The following HTT variants were observed in gnomAD, a reference collection of about 807,000 sequenced individuals.
HTT encodes the protein huntington disease protein.
HTT carries 104 observed loss-of-function variants against 362.3 expected under a neutral mutation model. The observed-to-expected ratio is 0.29, with a 90% confidence interval of 0.24 to 0.34. HTT has a LOEUF of 0.34. Among genes scored for constraint, HTT ranks in the 10% least tolerant of loss-of-function variants. HTT has a pLI of 1.00. For missense variants in HTT, 3,301 were observed against 3,928.6 expected (o/e 0.84, Z 4.27); for synonymous variants, 1,577 against 1,548.7 (o/e 1.02, Z -0.43).
intron 29 of HTT, among the ~76,000 whole-genome samples, chr4:3,165,267 T>G (rs1037945526): frequency 6.6e-6 from 1 of 152,240 alleles, no homozygotes; most frequent in Non-Finnish European, 1.5e-5. Flanking sequence ...TTCTGGCTTG[T>G]AGGATTTCTG....
chr4:3,115,074 G>C (rs1163625535), intron 6 of HTT, among the ~76,000 whole-genome samples: 1 of 152,250 alleles, frequency 6.6e-6, no homozygotes, highest in South Asian at 2.1e-4. Flanking sequence ...CATGGATGCT[G>C]AGCAGTCCCC....
In HTT at chr4:3,218,633, A is replaced by G. The variant is rs1469929897; in HGVS notation, c.7242+681A>G. The stretch of plus-strand genomic sequence containing the variant: ...GGGCAACAGAGCAAGACTCCGTCTC[A>G]AAAAAAAAAAAGGTAGGTGTTATTG... On this transcript the variant is annotated intron_variant, in intron 52 of 66. Transcript: ENST00000355072. The surrounding 1 kb of genome is among the most constrained non-coding windows in gnomAD (Gnocchi z 4.4). Among the ~76,000 whole-genome samples, 1 of 145,664 alleles carries G rather than the reference A, an allele frequency of 6.9e-6. No individual in the cohort carries two copies.
In HTT at chr4:3,180,513, A is replaced by G; in HGVS notation, c.4613-2A>G. 6.3e-7 allele frequency: 1 copy of G among 1,594,892 alleles called. No homozygotes were observed. The highest frequency in any genetic ancestry group is 8.5e-7 in the Non-Finnish European group (1 of 1,171,248). Reference sequence around the variant, plus strand: ...GATAAGGGTACCCTTTTGTCCCCACAGCCATACCGGCTCTGCAGCCCATAG... The same window carrying G: ...GATAAGGGTACCCTTTTGTCCCCACGGCCATACCGGCTCTGCAGCCCATAG... On this transcript the variant is annotated splice_acceptor_variant, in intron 35 of 66. Transcript: ENST00000355072. LOFTEE classifies it high-confidence loss of function.
chr4:3,114,283 C>CCCACAGTTG (rs1714912685), intron 6 of HTT, among the ~76,000 whole-genome samples: 1 of 152,230 alleles, frequency 6.6e-6, no homozygotes, highest in African/African-American at 2.4e-5. Context: ...TTCCTGTCAA[C>CCCACAGTTG]CCACAACCTT....
intron 29 of HTT, among the ~76,000 whole-genome samples, chr4:3,171,765 C>T (rs1717987960): frequency 6.6e-6 from 1 of 152,198 alleles, no homozygotes; most frequent in Non-Finnish European, 1.5e-5. Flanking sequence ...GCGTGAGCCA[C>T]CACTCCCAGC....
At chr4:3,141,543 G>A (rs865899966) in intron 22 of HTT, among the ~76,000 whole-genome samples, 1 of 152,196 alleles carries the variant, frequency 6.6e-6, no homozygotes, top group Non-Finnish European at 1.5e-5. Flanking sequence ...TGGGCAGGTC[G>A]CTTGAGCTCA....
chr4:3,096,210 A>G (rs1020848582), intron 2 of HTT, among the ~76,000 whole-genome samples: 2 of 152,242 alleles, frequency 1.3e-5, no homozygotes, highest in Non-Finnish European at 2.9e-5. Context: ...GCACCGGACT[A>G]CAGAGCTAAA....
At chr4:3,118,211 G>C (rs1023634107) in intron 8 of HTT, among the ~76,000 whole-genome samples, 5 of 152,134 alleles carry the variant, frequency 3.3e-5, no homozygotes, top group African/African-American at 1.2e-4. Context: ...TTTTATATCT[G>C]AGTCCAGTAT....
chr4:3,235,787 G>A lies in HTT; in HGVS notation c.8785+9G>A. 6.3e-7 allele frequency: 1 copy of A among 1,597,474 alleles called. No homozygotes were observed. Among genetic ancestry groups the A allele is most frequent in the Non-Finnish European group, 8.5e-7 (1 of 1,174,118 alleles). ...CACCTGCATGTACACAGGTGAGCAT[G>A]TACACGGTGCCCATAAGGCCAGCCC... On this transcript the variant is annotated intron_variant, in intron 63 of 66. Coordinates refer to ENST00000355072, the MANE Select transcript of HTT (RefSeq NM_001388492.1).
At chr4:3,111,604 A>C (rs1714753686) in intron 6 of HTT, among the ~76,000 whole-genome samples, 1 of 152,172 alleles carries the variant, frequency 6.6e-6, no homozygotes, top group South Asian at 2.1e-4. Flanking sequence ...TTTATCCTGC[A>C]ACCGGGGACT....
At chr4:3,203,747 G>A (rs1578585516) in intron 41 of HTT, among the ~76,000 whole-genome samples, 1 of 152,140 alleles carries the variant, frequency 6.6e-6, no homozygotes, top group Non-Finnish European at 1.5e-5. Context: ...GCAGCTTTAT[G>A]GTGGATTTTG....
chr4:3,100,220 CTGTGTATGTGTGAGGATTAAAT>C (rs1003924701), intron 3 of HTT, among the ~76,000 whole-genome samples: 7 of 152,096 alleles, frequency 4.6e-5, no homozygotes, highest in Non-Finnish European at 1.0e-4. Context: ...GAGTGTGTGT[CTGTGTATGTGTGAGGATTAAAT>C]TGTGTATGTG....
intron 10 of HTT, 157 bp downstream of exon 10, chr4:3,123,093 T>A: frequency 2.1e-6 from 1 of 476,758 alleles, no homozygotes; most frequent in Non-Finnish European, 3.6e-6. Flanking sequence ...TGCTGGAATC[T>A]GATAACCAGG....
intron 2 of HTT, among the ~76,000 whole-genome samples, chr4:3,089,317 A>T (rs1428597385): frequency 1.3e-5 from 2 of 151,934 alleles, no homozygotes; most frequent in Non-Finnish European, 2.9e-5. Flanking sequence ...GCAGTGGTGC[A>T]ATCTCAGCTC....
chr4:3,121,188 A>G, intron 8 of HTT, 40 bp from the exon 9 acceptor site: 1 of 1,504,012 alleles, frequency 6.6e-7, no homozygotes, highest in Non-Finnish European at 9.2e-7. Context: ...GATGCATTTT[A>G]TAAACTCTGA....
chr4:3,138,435 G>A (rs1418585892), intron 21 of HTT, among the ~76,000 whole-genome samples: 1 of 151,912 alleles, frequency 6.6e-6, no homozygotes, highest in Non-Finnish European at 1.5e-5. Context: ...ATACCACACT[G>A]TATGCCCTTG....
intron 2 of HTT, among the ~76,000 whole-genome samples, chr4:3,097,413 C>T (rs1054963656): frequency 6.6e-6 from 1 of 152,090 alleles, no homozygotes; most frequent in African/African-American, 2.4e-5. Flanking sequence ...GGACAGATCA[C>T]CTGAGGTCAG....
chr4:3,231,273 C>G (rs1294129036), intron 60 of HTT, among the ~76,000 whole-genome samples: 2 of 152,218 alleles, frequency 1.3e-5, no homozygotes, highest in Admixed American at 1.3e-4. Flanking sequence ...CAGGGCCTGC[C>G]TAGCCCGTGC....
chr4:3,231,766 C>G (rs1721267584), intron 60 of HTT, among the ~76,000 whole-genome samples: 1 of 152,206 alleles, frequency 6.6e-6, no homozygotes, highest in Non-Finnish European at 1.5e-5. Flanking sequence ...AGGGGTCCTT[C>G]TCCTTTGTGG....
Sources: allele counts gnomAD v4.1 joint callset (sites outside exome capture counted in the v4.1 genomes callset), GRCh38; gene constraint gnomAD v4.1.1; non-coding constraint Gnocchi (gnomAD v3.1); transcripts MANE v1.5; gene names NCBI Gene and HGNC (gene_info 2026-07-23, HGNC 2026-07-21).